Variants in LRRC37A2 observed in about 807,000 individuals in gnomAD.
LRRC37A2 encodes leucine rich repeat containing 37 member A2.
LRRC37A2 carries 9 observed loss-of-function variants against 68.8 expected under a neutral mutation model. The observed-to-expected ratio is 0.13, with a 90% CI of 0.08 to 0.23. The LOEUF (loss-of-function observed/expected upper bound fraction) is 0.23. Ranked by LOEUF, LRRC37A2 falls within the 10% of genes least tolerant of loss-of-function variation. The pLI is 1.00. For synonymous variants in LRRC37A2, 63 were observed against 367.6 expected, an observed-to-expected ratio of 0.17 and a Z score of 9.48; for missense variants, 168 against 950.4, an observed-to-expected ratio of 0.18 and a Z score of 10.82.
the LRRC37A2 span, among the ~76,000 whole-genome samples, chr17:46,583,994 T>TATAA: frequency 7.9e-5 from 1 of 12,726 alleles, no homozygotes; most frequent in African/African-American, 2.1e-4. Flanking sequence ...TATATATATA[T>TATAA]AATATATATT....
At chr17:46,951,739 CCT>C in the LRRC37A2 span, among the ~76,000 whole-genome samples, 2 of 152,138 alleles carry the variant, frequency 1.3e-5, no homozygotes, top group East Asian at 3.9e-4. Context: ...GAAAAGGAAA[CCT>C]CTAATTTTCT....
At chr17:46,962,584 G>C in the LRRC37A2 span, among the ~76,000 whole-genome samples, 1 of 152,220 alleles carries the variant, frequency 6.6e-6, no homozygotes, top group Admixed American at 6.5e-5. Flanking sequence ...CTATGCTGCT[G>C]TCTAGACTGT....
chr17:46,841,683 C>T, the LRRC37A2 span, among the ~76,000 whole-genome samples: 16 of 152,118 alleles, frequency 1.1e-4, no homozygotes, highest in South Asian at 2.1e-4. Context: ...GGAGCAGGAC[C>T]GGGAGGAACT....
the LRRC37A2 span, chr17:46,978,352 C>G: frequency 2.3e-6 from 1 of 429,450 alleles, no homozygotes; most frequent in Non-Finnish European, 4.1e-6. Flanking sequence ...ATCTCCATAC[C>G]CACTCCCACC....
chr17:46,867,535 CT>C, the LRRC37A2 span, among the ~76,000 whole-genome samples: 2 of 152,250 alleles, frequency 1.3e-5, no homozygotes, highest in Non-Finnish European at 2.9e-5. Flanking sequence ...GGGCCCCACT[CT>C]CCAGGCAGGG....
chr17:46,806,142 C>G, the LRRC37A2 span, among the ~76,000 whole-genome samples: 1 of 151,858 alleles, frequency 6.6e-6, no homozygotes. Flanking sequence ...TTCCGAGCTC[C>G]TTACAGCTCC....
At chr17:46,490,092 C>T in the LRRC37A2 span, among the ~76,000 whole-genome samples, 1 of 151,024 alleles carries the variant, frequency 6.6e-6, no homozygotes, top group South Asian at 2.1e-4. Context: ...CTCACCTGTA[C>T]AGTATAGGAT....
chr17:46,657,802 G>A, the LRRC37A2 span, among the ~76,000 whole-genome samples: 3 of 49,430 alleles, frequency 6.1e-5, no homozygotes, highest in African/African-American at 9.8e-5. Flanking sequence ...ATAGTTCTTG[G>A]GTATATAATA....
At chr17:46,804,289 T>C in the LRRC37A2 span, among the ~76,000 whole-genome samples, 1 of 152,276 alleles carries the variant, frequency 6.6e-6, no homozygotes, top group East Asian at 1.9e-4. Context: ...GGTTTCAGCA[T>C]GTTGGCCAGG....
chr17:46,492,348 G>T, the LRRC37A2 span, among the ~76,000 whole-genome samples: 4 of 150,986 alleles, frequency 2.6e-5, no homozygotes, highest in African/African-American at 5.0e-5. Flanking sequence ...CTGTGTTGTT[G>T]TATCAGTAGT....
At chr17:46,946,769 A>G in the LRRC37A2 span, among the ~76,000 whole-genome samples, 1 of 152,228 alleles carries the variant, frequency 6.6e-6, no homozygotes, top group Admixed American at 6.5e-5. Context: ...AGGCTGAGAC[A>G]TGAGAATTGT....
the LRRC37A2 span, among the ~76,000 whole-genome samples, chr17:46,695,012 T>C: frequency 9.0e-6 from 1 of 110,574 alleles, no homozygotes; most frequent in Non-Finnish European, 1.8e-5. Flanking sequence ...TTTGGGAGGC[T>C]GAGGCGGGCG....
the LRRC37A2 span, among the ~76,000 whole-genome samples, chr17:46,732,347 C>G: frequency 6.6e-6 from 1 of 150,380 alleles, no homozygotes; most frequent in Non-Finnish European, 1.5e-5. Context: ...TCTCCTTCCA[C>G]CCCTCCCCCA....
chr17:46,962,138 C>A, the LRRC37A2 span, among the ~76,000 whole-genome samples: 1 of 152,000 alleles, frequency 6.6e-6, no homozygotes, highest in East Asian at 1.9e-4. Context: ...CCAGTCTGGC[C>A]AACATGGTGA....
At chr17:46,932,068 C>T in the LRRC37A2 span, 56 of 1,613,028 alleles carry the variant, frequency 3.5e-5, no homozygotes, top group South Asian at 1.5e-4. Flanking sequence ...CAATTCCAGT[C>T]GGGTTGACCA....
the LRRC37A2 span, among the ~76,000 whole-genome samples, chr17:46,840,012 T>TCTCTTTCTTTTTTCTTTC: frequency 3.1e-5 from 3 of 96,744 alleles, no homozygotes; most frequent in African/African-American, 1.3e-4. Context: ...TCTTTCTTTC[T>TCTCTTTCTTTTTTCTTTC]TTCTTTCTTT....
chr17:46,873,585 G>A, the LRRC37A2 span, among the ~76,000 whole-genome samples: 12 of 152,170 alleles, frequency 7.9e-5, no homozygotes, highest in Admixed American at 2.0e-4. Flanking sequence ...TAGCCTGGGC[G>A]CAGTGGCTTG....
At chr17:46,857,822 G>A in the LRRC37A2 span, among the ~76,000 whole-genome samples, 1 of 152,118 alleles carries the variant, frequency 6.6e-6, no homozygotes, top group Non-Finnish European at 1.5e-5. Flanking sequence ...ATTGATGAAT[G>A]GTGTGTTGAA....
At chr17:46,721,840 A>G in the LRRC37A2 span, 13 of 1,591,340 alleles carry the variant, frequency 8.2e-6, no homozygotes, top group Non-Finnish European at 1.1e-5. Context: ...TATTTTTTGT[A>G]CGGCTTTTTC....
Sources: gnomAD v4.1 joint callset for allele counts (sites outside exome capture counted in the v4.1 genomes callset) on GRCh38, gnomAD v4.1.1 for gene constraint, MANE v1.5 for transcripts, NCBI Gene and HGNC (gene_info 2026-07-23, HGNC 2026-07-21) for gene names.